Variants in C3orf49 observed in about 807,000 individuals in gnomAD.
C3orf49 encodes putative uncharacterized protein C3orf49.
In C3orf49, 27 loss-of-function variants were observed where a neutral mutation model predicts 13.3. That is an observed-to-expected ratio of 2.02 (90% CI 1.49 to 2.79). The LOEUF (loss-of-function observed/expected upper bound fraction) is 2.79, where lower values mean the gene tolerates loss of function less well. C3orf49 is among the 30% of genes most tolerant of loss of function. The pLI, the probability that C3orf49 is intolerant of heterozygous loss-of-function variation, is 0.00. For synonymous variants in C3orf49, 87 were observed against 47.6 expected (o/e 1.83, Z -3.40); for missense variants, 242 against 134.2 (o/e 1.80, Z -3.97).
chr3:63,822,014 C>T (rs538406910), intron 1 of C3orf49, among the ~76,000 whole-genome samples: 273 of 151,894 alleles, frequency 1.8e-3, no homozygotes, highest in African/African-American at 5.1e-3. Context: ...CTCGCTCTGT[C>T]GCCCAGGCTG....
At position 63,831,253 on chromosome 3, in the gene C3orf49, T is replaced by A. The variant is rs746334855; in HGVS notation, c.684+30T>A. On this transcript the variant is annotated intron_variant, in intron 4 of 6. Coordinates refer to ENST00000295896, the MANE Select transcript of C3orf49 (RefSeq NM_001355236.2). ...TGGACAAAGGCTTTTAACTTTTGAG[T>A]CTCAGAAGCATCAGAGAGCCAGGCT... 7.2e-6 allele frequency: 5 copies of A among 696,036 alleles called. No individual in the cohort carries two copies. In the South Asian group the frequency reaches 7.6e-5, roughly 11 times the overall value. The allele number at this position is 696,036 out of a possible 1,614,324, so 43.1% of individuals were successfully genotyped here.
upstream of C3orf49, among the ~76,000 whole-genome samples, chr3:63,816,409 G>A (rs985837318): frequency 4.6e-5 from 7 of 152,018 alleles, no homozygotes; most frequent in African/African-American, 1.4e-4. Flanking sequence ...TGAGCAACAC[G>A]GTGAAACCTC....
chr3:63,816,146 T>C (rs114387001), upstream of C3orf49, among the ~76,000 whole-genome samples: 2,038 of 151,710 alleles, frequency 0.013, 19 homozygotes, highest in Middle Eastern at 0.054. Flanking sequence ...TTTTTTTTTT[T>C]CTATTTGTCT....
intron 3 of C3orf49, among the ~76,000 whole-genome samples, chr3:63,829,763 C>A (rs1189455362): frequency 6.6e-6 from 1 of 151,872 alleles, no homozygotes; most frequent in Non-Finnish European, 1.5e-5. Context: ...GAGGTTGATA[C>A]CAGCCTGGGC....
At chr3:63,802,110 C>T in the C3orf49 span, among the ~76,000 whole-genome samples, 1 of 152,286 alleles carries the variant, frequency 6.6e-6, no homozygotes, top group East Asian at 1.9e-4. Context: ...TATGCAACCC[C>T]ACTTATGTTG....
the C3orf49 span, among the ~76,000 whole-genome samples, chr3:63,806,554 AG>A: frequency 0.018 from 2,722 of 152,368 alleles, 76 homozygotes; most frequent in African/African-American, 0.06. Context: ...ACTGAAGTTT[AG>A]AAAGGTCTTC....
chr3:63,821,781 G>A lies in C3orf49; in HGVS notation c.126-1469G>A, dbSNP rs1015858550. ...GCAAACAGAAGACAGATTCGTAGAT[G>A]CCGGTTTAAGAAAGGGGGGACCAGT... On this transcript the variant is annotated intron_variant, in intron 1 of 6. Transcript: ENST00000295896. Among the ~76,000 whole-genome samples, 23 of 152,026 alleles carry A rather than the reference G, an allele frequency of 1.5e-4. 1 individual carries two copies. The highest frequency in any genetic ancestry group is 1.3e-4 in the Admixed American group (2 of 15,260).
intron 1 of C3orf49, among the ~76,000 whole-genome samples, chr3:63,820,103 C>T (rs527455614): frequency 2.6e-5 from 4 of 152,174 alleles, no homozygotes; most frequent in East Asian, 1.9e-4. Flanking sequence ...ACCATATAGA[C>T]AGGTATGAAA....
chr3:63,846,677 C>T (rs895952599), intron 6 of C3orf49, among the ~76,000 whole-genome samples: 2 of 152,058 alleles, frequency 1.3e-5, no homozygotes, highest in South Asian at 2.1e-4. Context: ...TCCTAAAGTG[C>T]GGGAATTATA....
chr3:63,806,612 C>T, the C3orf49 span, among the ~76,000 whole-genome samples: 4 of 152,224 alleles, frequency 2.6e-5, no homozygotes, highest in African/African-American at 7.2e-5. Context: ...CCTCATCTTT[C>T]CATACGTCCC....
the C3orf49 span, among the ~76,000 whole-genome samples, chr3:63,809,535 A>G: frequency 1.3e-5 from 2 of 152,148 alleles, no homozygotes; most frequent in African/African-American, 2.4e-5. Context: ...CCTTTTCTCA[A>G]AATCCTCTAA....
rs748757697 is a variant in C3orf49, at chr3:63,823,468, A to T, written c.344A>T (p.Glu115Val). The T allele has an allele frequency of 2.8e-6, 2 of 703,180 alleles. No individual in the cohort carries two copies. The highest frequency in any genetic ancestry group is 5.2e-6 in the Non-Finnish European group (2 of 385,062). 43.6% of individuals were successfully genotyped at this position (703,180 alleles called of 1,614,324 possible). Residue 115 changes from glutamate to valine, a missense_variant, in exon 2 of 7, where the codon GAA becomes GTA. By Grantham distance (121) the Glu-to-Val change is moderately radical. Coordinates refer to ENST00000295896, the MANE Select transcript of C3orf49 (RefSeq NM_001355236.2). ...ASQEGSTDHK[E>V]ALLSNTQSLL... ...CAAGAGGGCTCCACTGACCATAAAG[A>T]AGCCCTCCTGTCAAACACGCAGAGC...
At chr3:63,815,142 A>G (rs1029933007), upstream of C3orf49, among the ~76,000 whole-genome samples, 1 of 152,180 alleles carries the variant, frequency 6.6e-6, no homozygotes, top group African/African-American at 2.4e-5. Flanking sequence ...AAACTGCCCC[A>G]TGATCCAATC....
chr3:63,798,758 C>T, the C3orf49 span, among the ~76,000 whole-genome samples: 1 of 152,070 alleles, frequency 6.6e-6, no homozygotes, highest in African/African-American at 2.4e-5. Flanking sequence ...GTTTCCACAG[C>T]CTATGTCACC....
At chr3:63,838,030 C>G (rs1298993365) in intron 5 of C3orf49, 14 of 1,609,018 alleles carry the variant, frequency 8.7e-6, no homozygotes, top group Non-Finnish European at 1.2e-5. Context: ...TTGCACTCAG[C>G]AATTTTTTCA....
At chr3:63,787,873 G>A in the C3orf49 span, among the ~76,000 whole-genome samples, 1 of 152,196 alleles carries the variant, frequency 6.6e-6, no homozygotes, top group African/African-American at 2.4e-5. Flanking sequence ...GAGAATGTGT[G>A]TCAAAAGGAG....
At chr3:63,844,896 T>G in intron 5 of C3orf49, 127 bp from the exon 6 acceptor site, 2 of 515,548 alleles carry the variant, frequency 3.9e-6, no homozygotes, top group South Asian at 3.3e-5. Flanking sequence ...GACGGAAAAT[T>G]GTACTGGCAG....
At chr3:63,807,829 C>CCTGGGCAACAA in the C3orf49 span, among the ~76,000 whole-genome samples, 2 of 128,986 alleles carry the variant, frequency 1.6e-5, no homozygotes, top group African/African-American at 3.1e-5. Flanking sequence ...TGCATTCCAG[C>CCTGGGCAACAA]CTGGGCAACA....
At chr3:63,835,069 T>C (rs1701601598) in intron 5 of C3orf49, 1 of 1,347,476 alleles carries the variant, frequency 7.4e-7, no homozygotes, top group Admixed American at 2.0e-5. Flanking sequence ...ATACTGTCTC[T>C]CCAAGATGTA....
Sources: gnomAD v4.1 joint callset for allele counts (sites outside exome capture counted in the v4.1 genomes callset) on GRCh38, gnomAD v4.1.1 for gene constraint, MANE v1.5 for transcripts, NCBI Gene and HGNC (gene_info 2026-07-23, HGNC 2026-07-21) for gene names.